The following TRAPPC10 variants were observed in gnomAD, a reference collection of about 807,000 sequenced individuals.
The protein encoded by TRAPPC10 is TRAPP 130 kDa subunit.
TRAPPC10 carries 23 observed loss-of-function variants against 125.5 expected under a neutral mutation model. The observed-to-expected ratio is 0.18, with a 90% CI of 0.13 to 0.26. The LOEUF is 0.26. Among genes scored for constraint, TRAPPC10 ranks in the 10% least tolerant of loss-of-function variants. TRAPPC10 has a pLI of 1.00. For synonymous variants in TRAPPC10, 509 were observed against 518.0 expected (o/e 0.98, Z 0.24); for missense variants, 1,123 against 1,308.4 (o/e 0.86, Z 2.19).
intron 3 of TRAPPC10, among the ~76,000 whole-genome samples, chr21:44,051,476 G>A (rs141546359): frequency 1.2e-3 from 181 of 152,280 alleles, no homozygotes; most frequent in Non-Finnish European, 1.7e-3. Flanking sequence ...GAATAGAAGC[G>A]CAGTTATAAG....
chr21:44,033,367 T>C (rs1047457995), intron 2 of TRAPPC10, among the ~76,000 whole-genome samples: 2 of 152,176 alleles, frequency 1.3e-5, no homozygotes, highest in Non-Finnish European at 2.9e-5. Flanking sequence ...TTACAAGATA[T>C]GCATTTAGTT....
At chr21:44,035,777 CA>C in intron 2 of TRAPPC10, among the ~76,000 whole-genome samples, 1 of 151,208 alleles carries the variant, frequency 6.6e-6, no homozygotes, top group South Asian at 2.1e-4. Flanking sequence ...AACTCTGGCT[CA>C]AAAAATAAAA....
intron 7 of TRAPPC10, among the ~76,000 whole-genome samples, chr21:44,065,677 C>A (rs140542154): frequency 1.3e-5 from 2 of 152,160 alleles, no homozygotes; most frequent in African/African-American, 4.8e-5. Flanking sequence ...TCCTTACATG[C>A]GCTGTGCCTG....
Position 44,089,916 on chromosome 21 carries a change from C to A in TRAPPC10, c.2853C>A (p.Leu951=), listed in dbSNP as rs146176008. The part of the protein sequence containing the change: ...FSVPFRTTHS[L]LSSGTRKYVQ... ...TACCCTTCAGGACCACACACAGCCT[C>A]CTGTCCTCAGGAACACGGTAACGGA... The change falls in exon 18 of 23, where the codon CTC becomes CTA. Residue 951 remains leucine (L), a synonymous_variant. Coordinates refer to ENST00000291574, the MANE Select transcript of TRAPPC10 (RefSeq NM_003274.5). 2.7e-4 allele frequency: 434 copies of A among 1,613,768 alleles called. No individual in the cohort carries two copies. The highest frequency in any genetic ancestry group is 3.4e-4 in the Non-Finnish European group (401 of 1,179,782).
intron 2 of TRAPPC10, among the ~76,000 whole-genome samples, chr21:44,033,882 CTG>C (rs749605739): frequency 4.6e-5 from 7 of 152,066 alleles, no homozygotes; most frequent in East Asian, 1.9e-4. Context: ...TAAAAAGAAA[CTG>C]TGTAGATTTA....
chr21:44,042,196 A>T (rs1165131840), intron 3 of TRAPPC10, among the ~76,000 whole-genome samples: 2 of 151,444 alleles, frequency 1.3e-5, no homozygotes, highest in African/African-American at 4.9e-5. Flanking sequence ...TTGTTTTCTC[A>T]TGGTTTACTT....
chr21:44,076,467 A>G (rs2037291400), intron 9 of TRAPPC10, 85 bp from the exon 10 acceptor site: 8 of 1,054,294 alleles, frequency 7.6e-6, no homozygotes, highest in Non-Finnish European at 1.2e-5. Context: ...GAGGTCATCT[A>G]CCTGCAGTAT....
intron 1 of TRAPPC10, among the ~76,000 whole-genome samples, chr21:44,019,931 T>A (rs2299815): frequency 0.36 from 55,462 of 152,074 alleles, 14,059 homozygotes; most frequent in African/African-American, 0.73. Flanking sequence ...CTAGATGTGG[T>A]TACAAGGTGG....
Position 44,046,974 on chromosome 21 carries a change from C to G in TRAPPC10, c.286-5306C>G, listed in dbSNP as rs184571352. The G allele has an allele frequency of 7.2e-6, 6 of 831,944 alleles. No individual in the cohort carries two copies. The East Asian group carries it at 1.7e-4, about 24-fold the overall frequency. The allele number at this position is 831,944 out of a possible 1,614,324, so 51.5% of individuals were successfully genotyped here. On this transcript the variant is annotated intron_variant, in intron 3 of 22. Coordinates refer to ENST00000291574, the MANE Select transcript of TRAPPC10 (RefSeq NM_003274.5). The stretch of plus-strand genomic sequence containing the variant: ...TGGCCCACTGGGAACTGCAAGCCGG[C>G]TCTGCGAGCGGGAAACCGCCTTTGT...
intron 7 of TRAPPC10, 110 bp from the exon 8 acceptor site, chr21:44,074,214 G>A: frequency 7.5e-7 from 1 of 1,332,264 alleles, no homozygotes; most frequent in South Asian, 1.3e-5. Context: ...AGATGAGGTG[G>A]CTGCTTGAAG....
chr21:44,075,140 G>A lies in TRAPPC10; in HGVS notation c.1287G>A (p.Glu429=), dbSNP rs2037181080. ...ACCTTTTGGCAGGTTTGGGAGCTGA[G>A]CGACCAGAAACAGGTACTTTTTTGT... ...TVDLLAGLGA[E]RPETANTAQS... is the part of the protein sequence containing the mutation. Residue 429 remains glutamate (E), a synonymous_variant, in exon 9 of 23, where the codon GAG becomes GAA. Transcript: ENST00000291574. 6.2e-7 allele frequency: 1 copy of A among 1,613,850 alleles called. No homozygotes were observed. Among genetic ancestry groups the A allele is most frequent in the South Asian group, 1.1e-5 (1 of 91,082 alleles).
chr21:44,017,917 T>C (rs1243799932), intron 1 of TRAPPC10, among the ~76,000 whole-genome samples: 1 of 152,158 alleles, frequency 6.6e-6, no homozygotes, highest in African/African-American at 2.4e-5. Flanking sequence ...AAATTTAAAA[T>C]ATCTCTTGGT....
intron 1 of TRAPPC10, among the ~76,000 whole-genome samples, chr21:44,030,640 A>AT (rs918560368): frequency 7.2e-5 from 11 of 151,756 alleles, no homozygotes; most frequent in Admixed American, 6.6e-5. Context: ...CTAATTTTGT[A>AT]TTTTTTTAGT....
In TRAPPC10 at chr21:44,077,689, A is replaced by G; in HGVS notation, c.1378-4A>G. 1 of 1,595,100 alleles carries G rather than the reference A, an allele frequency of 6.3e-7. No homozygotes were observed. Among genetic ancestry groups the G allele is most frequent in the Non-Finnish European group, 8.6e-7 (1 of 1,167,818 alleles). On this transcript the variant is annotated splice_polypyrimidine_tract_variant and splice_region_variant and intron_variant, in intron 10 of 22. Transcript: ENST00000291574. ...TACATAATTGTGTTTTTACTTCCCC[A>G]CAGGATTTGTCCCATGCCACCATTG...
intron 1 of TRAPPC10, among the ~76,000 whole-genome samples, chr21:44,025,570 T>C (rs554909906): frequency 2.6e-5 from 4 of 152,370 alleles, no homozygotes; most frequent in African/African-American, 7.2e-5. Flanking sequence ...GCAACTTGTT[T>C]CCTTGATTAG....
At chr21:44,024,394 T>A (rs1346755779) in intron 1 of TRAPPC10, among the ~76,000 whole-genome samples, 1 of 152,208 alleles carries the variant, frequency 6.6e-6, no homozygotes, top group Non-Finnish European at 1.5e-5. Context: ...GCCCAGGTGG[T>A]GCTGATGCTG....
rs758747574 is a variant in TRAPPC10, at chr21:44,083,071, C to G, written c.2007C>G (p.Asn669Lys). ...PETAPFPVSQ[N>K]SLPALELYEM... ...CCGCACCTTTCCCTGTATCCCAAAACAGTTTGCCCGCGCTGGAGTTGTATG... is the reference window on the plus strand; with the variant it reads ...CCGCACCTTTCCCTGTATCCCAAAAGAGTTTGCCCGCGCTGGAGTTGTATG... Residue 669 changes from asparagine to lysine, a missense_variant, in exon 14 of 23, where the codon AAC (asparagine) becomes AAG (lysine). Coordinates refer to ENST00000291574, the MANE Select transcript of TRAPPC10 (RefSeq NM_003274.5). 1.4e-5 allele frequency: 23 copies of G among 1,613,954 alleles called. No individual in the cohort carries two copies. The highest frequency in any genetic ancestry group is 1.9e-5 in the Non-Finnish European group (22 of 1,180,034).
chr21:44,061,348 C>G (rs2036040107), intron 6 of TRAPPC10, among the ~76,000 whole-genome samples: 1 of 152,066 alleles, frequency 6.6e-6, no homozygotes, highest in Admixed American at 6.6e-5. Context: ...ACCGTGTTAG[C>G]CAGGATGGTC....
rs1239547691 is a variant in TRAPPC10 at position 44,094,046 on chromosome 21, C to T, written c.2998-17C>T. On this transcript the variant is annotated splice_polypyrimidine_tract_variant and intron_variant, in intron 19 of 22. Transcript: ENST00000291574. ...TTATGGTGCTGTGTGAGCAGTGACCCCCAACTCTCTTTCCAGCCCATCTAC... is the reference window on the plus strand; with the variant it reads ...TTATGGTGCTGTGTGAGCAGTGACCTCCAACTCTCTTTCCAGCCCATCTAC... 1.2e-6 allele frequency: 2 copies of T among 1,609,260 alleles called. No individual in the cohort carries two copies. The highest frequency in any genetic ancestry group is 1.1e-5 in the South Asian group (1 of 90,402).
Sources: allele counts gnomAD v4.1 joint callset (sites outside exome capture counted in the v4.1 genomes callset), GRCh38; gene constraint gnomAD v4.1.1; transcripts MANE v1.5; gene names NCBI Gene and HGNC (gene_info 2026-07-23, HGNC 2026-07-21).